TNRC6B: variants seen among roughly 807,000 people sequenced by gnomAD.
TNRC6B encodes trinucleotide repeat-containing gene 6B protein.
In TNRC6B, 52 loss-of-function variants were observed where a neutral mutation model predicts 203.6. That is an observed-to-expected ratio of 0.26 (90% CI 0.20 to 0.32). The LOEUF is 0.32. Among genes scored for constraint, TNRC6B ranks in the 10% least tolerant of loss-of-function variants. The probability of loss-of-function intolerance (pLI) is 1.00; values close to 1 mark genes in which losing one functional copy is unlikely to be tolerated. For missense variants in TNRC6B, 1,923 were observed against 2,286.2 expected (o/e 0.84, Z 3.24); for synonymous variants, 838 against 845.7 (o/e 0.99, Z 0.16).
At chr22:40,233,483 G>A (rs1477676058) in intron 1 of TNRC6B, among the ~76,000 whole-genome samples, 4 of 151,696 alleles carry the variant, frequency 2.6e-5, no homozygotes, top group South Asian at 2.1e-4. Context: ...TTAGCCCAGC[G>A]TGGTTTCATG....
intron 1 of TNRC6B, among the ~76,000 whole-genome samples, chr22:40,195,021 T>C (rs767977426): frequency 2.0e-5 from 3 of 152,198 alleles, no homozygotes; most frequent in Non-Finnish European, 4.4e-5. Flanking sequence ...TGGAGGCCTT[T>C]TGGAAGCGCA....
intron 1 of TNRC6B, among the ~76,000 whole-genome samples, chr22:40,203,742 C>T (rs2069443052): frequency 6.6e-6 from 1 of 152,180 alleles, no homozygotes; most frequent in Non-Finnish European, 1.5e-5. Context: ...TTTTCATTTC[C>T]TGCCACATGG....
intron 3 of TNRC6B, among the ~76,000 whole-genome samples, chr22:40,145,789 C>G (rs2068689517): frequency 6.6e-6 from 1 of 152,016 alleles, no homozygotes; most frequent in South Asian, 2.1e-4. Context: ...TTGCAGTGAG[C>G]CAAGATCACA....
At chr22:40,230,752 A>G (rs1281213505) in intron 1 of TNRC6B, among the ~76,000 whole-genome samples, 1 of 152,096 alleles carries the variant, frequency 6.6e-6, no homozygotes, top group African/African-American at 2.4e-5. Context: ...TGAGTCCAAT[A>G]TATCAGGGTT....
At chr22:40,206,634 G>C (rs1194855119) in intron 1 of TNRC6B, among the ~76,000 whole-genome samples, 1 of 152,146 alleles carries the variant, frequency 6.6e-6, no homozygotes, top group African/African-American at 2.4e-5. Context: ...CAACAAGTGG[G>C]AGGATTTAAC....
intron 12 of TNRC6B, among the ~76,000 whole-genome samples, chr22:40,295,153 G>T (rs2070921801): frequency 6.6e-6 from 1 of 152,084 alleles, no homozygotes; most frequent in Non-Finnish European, 1.5e-5. Flanking sequence ...CCTGAACTTG[G>T]TCAAATGTTT....
intron 2 of TNRC6B, among the ~76,000 whole-genome samples, chr22:40,247,677 A>G (rs2070127136): frequency 6.6e-6 from 1 of 152,218 alleles, no homozygotes; most frequent in Non-Finnish European, 1.5e-5. Flanking sequence ...TATATTCTCC[A>G]TCACATCTTC....
intron 1 of TNRC6B, among the ~76,000 whole-genome samples, chr22:40,210,646 C>T (rs765182114): frequency 6.6e-5 from 10 of 152,172 alleles, no homozygotes; most frequent in East Asian, 3.8e-4. Flanking sequence ...GCAGTGGAGA[C>T]GGTGTTAGGG....
At chr22:40,203,721 GT>G in intron 1 of TNRC6B, among the ~76,000 whole-genome samples, 1 of 152,146 alleles carries the variant, frequency 6.6e-6, no homozygotes, top group East Asian at 1.9e-4. Context: ...TGCCAATTTT[GT>G]TTTGTTTTGT....
intron 1 of TNRC6B, among the ~76,000 whole-genome samples, chr22:40,209,052 T>TTTA (rs576957314): frequency 6.6e-6 from 1 of 152,138 alleles, no homozygotes; most frequent in Admixed American, 6.6e-5. Flanking sequence ...CCCTGTTCAT[T>TTTA]TTATTATTAT....
rs929422774 is a variant in TNRC6B at position 40,333,972 on chromosome 22, G to C, written c.*10731G>C. 2 of 152,736 alleles carry C rather than the reference G, an allele frequency of 1.3e-5. No homozygotes were observed. The highest frequency in any genetic ancestry group is 6.5e-5 in the Admixed American group (1 of 15,298). The allele number at this position is 152,736 out of a possible 1,614,324, so 9.5% of individuals were successfully genotyped here. On this transcript the variant is annotated 3_prime_UTR_variant, in exon 23 of 23. Transcript: ENST00000454349. ...AGTTGGATCTCACTGATCTTGTATA[G>C]TGACGACTTCCTTTGAAGGAAGAAG... is the stretch of plus-strand genomic sequence containing the variant.
At chr22:40,174,858 C>T (rs2069041221), upstream of TNRC6B, among the ~76,000 whole-genome samples, 1 of 151,686 alleles carries the variant, frequency 6.6e-6, no homozygotes, top group Non-Finnish European at 1.5e-5. Context: ...TCTTTGTGTC[C>T]TTACCTTACA....
In TNRC6B at chr22:40,334,144, G is replaced by A. The variant is rs1221257254; in HGVS notation, c.*10903G>A. 2 of 152,546 alleles carry A rather than the reference G, an allele frequency of 1.3e-5. No homozygotes were observed. The highest frequency in any genetic ancestry group is 2.1e-4 in the South Asian group (1 of 4,828). The allele number at this position is 152,546 out of a possible 1,614,324, so 9.4% of individuals were successfully genotyped here. ...GGTTCTGCCTGCCCTTGTATCTCTT[G>A]TACAATGCTCCCAAAGGGCTTTGCT... On this transcript the variant is annotated 3_prime_UTR_variant, in exon 23 of 23. Transcript: ENST00000454349.
At chr22:40,109,667 A>G (rs185170177) in intron 1 of TNRC6B, among the ~76,000 whole-genome samples, 1 of 152,364 alleles carries the variant, frequency 6.6e-6, no homozygotes, top group African/African-American at 2.4e-5. Flanking sequence ...GAGGTCCTCC[A>G]TAATTTTCGT....
intron 1 of TNRC6B, among the ~76,000 whole-genome samples, chr22:40,066,778 C>G (rs902706812): frequency 6.6e-6 from 1 of 151,878 alleles, no homozygotes; most frequent in Non-Finnish European, 1.5e-5. Flanking sequence ...TTTAAGAAAG[C>G]TTGGTTTTAT....
chr22:40,221,968 C>T (rs1051155954), intron 1 of TNRC6B, among the ~76,000 whole-genome samples: 4 of 152,030 alleles, frequency 2.6e-5, no homozygotes, highest in African/African-American at 7.2e-5. Context: ...TCCTGGCCCA[C>T]CCATCTCATT....
intron 1 of TNRC6B, among the ~76,000 whole-genome samples, chr22:40,047,114 G>A (rs1001373892): frequency 6.6e-6 from 1 of 152,184 alleles, no homozygotes; most frequent in East Asian, 1.9e-4. Flanking sequence ...ATGAGAAAAG[G>A]GATCTCCAGG....
chr22:40,229,771 ATGT>A (rs1336846473), intron 1 of TNRC6B, among the ~76,000 whole-genome samples: 1 of 152,160 alleles, frequency 6.6e-6, no homozygotes, highest in East Asian at 1.9e-4. Flanking sequence ...AGGTTCATCC[ATGT>A]TGTGTTTAAC....
Position 40,265,244 on chromosome 22 carries a change from A to T in TNRC6B, c.1014A>T (p.Thr338=). The T allele has an allele frequency of 6.2e-7, 1 of 1,614,064 alleles. No individual in the cohort carries two copies. Residue 338 remains threonine (T), a synonymous_variant, in exon 5 of 23, where the codon ACA becomes ACT. Transcript: ENST00000454349. The part of the protein sequence containing the change: ...DNSNSSAQVS[T]VGQTSREQQS... ...GTAATTCCAGTGCACAGGTTAGCACAGTAGGTCAGACATCCAGGGAACAGC... is the reference window on the plus strand; with the variant it reads ...GTAATTCCAGTGCACAGGTTAGCACTGTAGGTCAGACATCCAGGGAACAGC...
Sources: gnomAD v4.1 joint callset for allele counts (sites outside exome capture counted in the v4.1 genomes callset) on GRCh38, gnomAD v4.1.1 for gene constraint, MANE v1.5 for transcripts, NCBI Gene and HGNC (gene_info 2026-07-23, HGNC 2026-07-21) for gene names.